The following SYNE1 variants were observed in gnomAD, a reference collection of about 807,000 sequenced individuals.
SYNE1 encodes spectrin repeat containing nuclear envelope protein 1, also known as nesprin-1.
SYNE1 carries 616 observed loss-of-function variants against 1,111.0 expected under a neutral mutation model. That is an observed-to-expected ratio of 0.55 (90% CI 0.52 to 0.59). The LOEUF (loss-of-function observed/expected upper bound fraction) is 0.59. Ranked by LOEUF, SYNE1 falls within the 20% of genes least tolerant of loss-of-function variation. The probability of loss-of-function intolerance (pLI) is 0.00; values close to 1 mark genes in which losing one functional copy is unlikely to be tolerated. For missense variants in SYNE1, 10,006 were observed against 10,417.0 expected (o/e 0.96, Z 1.72); for synonymous variants, 3,855 against 3,825.8 (o/e 1.01, Z -0.28).
intron 11 of SYNE1, among the ~76,000 whole-genome samples, chr6:152,493,241 G>C (rs1310264885): frequency 6.6e-6 from 1 of 151,774 alleles, no homozygotes; most frequent in Non-Finnish European, 1.5e-5. Context: ...AGCCTGTCCA[G>C]GATCTTCACC....
intron 124 of SYNE1, 112 bp from the exon 125 acceptor site, chr6:152,208,318 G>T (rs1313637518): frequency 1.0e-6 from 1 of 979,932 alleles, no homozygotes; most frequent in East Asian, 2.6e-5. Flanking sequence ...GTGATCTAGG[G>T]CGGTGGTTTT....
At chr6:152,420,781 G>A (rs2098246091) in intron 39 of SYNE1, among the ~76,000 whole-genome samples, 1 of 108,588 alleles carries the variant, frequency 9.2e-6, no homozygotes. Context: ...TTCTTTTTAT[G>A]TTTTCCTTTC....
chr6:152,401,096 C>G, intron 47 of SYNE1, 42 bp downstream of exon 47: 1 of 1,587,720 alleles, frequency 6.3e-7, no homozygotes, highest in East Asian at 2.2e-5. Context: ...GAACTACAAT[C>G]ACCATTTGAA....
intron 53 of SYNE1, among the ~76,000 whole-genome samples, chr6:152,388,830 T>C (rs1180215350): frequency 6.6e-6 from 1 of 152,372 alleles, no homozygotes; most frequent in East Asian, 1.9e-4. Flanking sequence ...GCTTCCTGCA[T>C]GTAACATCTT....
intron 20 of SYNE1, 38 bp from the exon 21 acceptor site, chr6:152,461,778 C>A (rs1186495289): frequency 6.2e-7 from 1 of 1,613,410 alleles, no homozygotes; most frequent in Admixed American, 1.7e-5. Context: ...TCATACATGA[C>A]ACATTTCCTC....
chr6:152,332,229 C>A (rs1165446455), intron 77 of SYNE1, among the ~76,000 whole-genome samples: 2 of 152,178 alleles, frequency 1.3e-5, no homozygotes, highest in Non-Finnish European at 2.9e-5. Flanking sequence ...CTGCCTCAGC[C>A]TCCCAAAGTG....
At chr6:152,160,355 T>A (rs1389781972) in intron 131 of SYNE1, among the ~76,000 whole-genome samples, 1 of 152,290 alleles carries the variant, frequency 6.6e-6, no homozygotes, top group South Asian at 2.1e-4. Context: ...GCCCATCAGA[T>A]AATCTAGCCC....
At chr6:152,143,522 A>C in intron 138 of SYNE1, 101 bp downstream of exon 138, 2 of 1,542,302 alleles carry the variant, frequency 1.3e-6, no homozygotes, top group Non-Finnish European at 1.8e-6. Context: ...GCAGCATGGT[A>C]TTCAGAGACC....
chr6:152,461,907 T>C (rs910440357), intron 20 of SYNE1, among the ~76,000 whole-genome samples, 167 bp from the exon 21 acceptor site: 3 of 152,136 alleles, frequency 2.0e-5, no homozygotes, highest in Admixed American at 6.5e-5. Flanking sequence ...CTAATAAATA[T>C]TGGTAATATT....
intron 3 of SYNE1, among the ~76,000 whole-genome samples, chr6:152,566,985 C>CTGTGTGTG (rs59526151): frequency 2.0e-5 from 3 of 146,552 alleles, no homozygotes; most frequent in African/African-American, 5.1e-5. Flanking sequence ...TCTTCACATA[C>CTGTGTGTG]TGTGTGTGTG....
intron 3 of SYNE1, among the ~76,000 whole-genome samples, chr6:152,551,130 T>G (rs1396602800): frequency 6.6e-6 from 1 of 152,200 alleles, no homozygotes; most frequent in Non-Finnish European, 1.5e-5. Flanking sequence ...CAGGAGACAA[T>G]GATCGGATAG....
In SYNE1 at chr6:152,472,414, C is replaced by G; in HGVS notation, c.1351-1G>C. Reference sequence around the variant, plus strand: ...GGGCATCCGTGTTTTGAAGCAGATCCTAAGATACAGTTTAAAAAAAAATAA... The same window carrying G: ...GGGCATCCGTGTTTTGAAGCAGATCGTAAGATACAGTTTAAAAAAAAATAA... On this transcript the variant is annotated splice_acceptor_variant, in intron 14 of 145. Transcript: ENST00000367255. LOFTEE classifies it high-confidence loss of function. 2 of 1,612,096 alleles carry G rather than the reference C, an allele frequency of 1.2e-6. No individual in the cohort carries two copies. Among genetic ancestry groups the G allele is most frequent in the Non-Finnish European group, 1.7e-6 (2 of 1,178,622 alleles).
At chr6:152,325,819 A>G in intron 80 of SYNE1, 139 bp downstream of exon 80, 1 of 1,098,170 alleles carries the variant, frequency 9.1e-7, no homozygotes, top group Non-Finnish European at 1.3e-6. Context: ...TAAACTTAAA[A>G]CTTCTATAAA....
intron 39 of SYNE1, among the ~76,000 whole-genome samples, chr6:152,423,091 C>T (rs2098292853): frequency 1.3e-5 from 2 of 152,124 alleles, no homozygotes; most frequent in African/African-American, 4.8e-5. Flanking sequence ...ACCATAAAGA[C>T]CTGAAAAAGA....
intron 14 of SYNE1, among the ~76,000 whole-genome samples, chr6:152,476,867 TAA>T (rs4034729): frequency 0.53 from 74,337 of 140,802 alleles, 20,733 homozygotes; most frequent in East Asian, 0.75. Context: ...AGACCCTATC[TAA>T]AAAAAAAAAA....
rs1445421692 is a variant in SYNE1, at chr6:152,326,452, T to C, written c.15137A>G (p.His5046Arg). 2 of 1,614,174 alleles carry C rather than the reference T, an allele frequency of 1.2e-6. No homozygotes were observed. Among genetic ancestry groups the C allele is most frequent in the East Asian group, 2.2e-5 (1 of 44,880 alleles). The change falls in exon 79 of 146, where the codon CAT becomes CGT. Residue 5046 changes from histidine (H) to arginine (R), a missense_variant. His to Arg is a conservative substitution (Grantham distance 29, BLOSUM62 0). Around this residue, in one of 7 missense-constraint regions of SYNE1, gnomAD observed 4,955 missense variants for 5,017.2 expected, o/e 0.99. Coordinates refer to ENST00000367255, the MANE Select transcript of SYNE1 (RefSeq NM_182961.4). ...GCTGTGGAGCTCCTCCAGGTTACTA[T>C]GGAACTGATCCTCTGTACTGAAAAA... is the stretch of plus-strand genomic sequence containing the variant. ...MEFFSTEDQFHSNLEELHSLV... is the reference protein window; with the variant it reads ...MEFFSTEDQFRSNLEELHSLV...
intron 108 of SYNE1, among the ~76,000 whole-genome samples, chr6:152,238,101 A>G (rs928164746): frequency 2.0e-5 from 3 of 152,144 alleles, no homozygotes; most frequent in Non-Finnish European, 4.4e-5. Context: ...AAAACAAACA[A>G]TAAGTTGTAT....
rs1361927562 is a variant in SYNE1, at chr6:152,416,564, T to G, written c.5873A>C (p.Glu1958Ala). Reference sequence around the variant, plus strand: ...CAGAAGGTTCTGGATCCTCTCTACCTCTCCACAGAGCTGATCAGCCGTGGC... The same window carrying G: ...CAGAAGGTTCTGGATCCTCTCTACCGCTCCACAGAGCTGATCAGCCGTGGC... ...CRATADQLCG[E>A]VERIQNLLGT... Residue 1958 changes from glutamate to alanine, a missense_variant, in exon 41 of 146, where the codon GAG (glutamate) becomes GCG (alanine). Physicochemically the swap from Glu to Ala is moderately radical, Grantham distance 107. Transcript: ENST00000367255. 13 of 1,613,898 alleles carry G rather than the reference T, an allele frequency of 8.1e-6. No homozygotes were observed. The highest frequency in any genetic ancestry group is 1.1e-5 in the Non-Finnish European group (13 of 1,180,018).
intron 145 of SYNE1, among the ~76,000 whole-genome samples, chr6:152,125,020 G>T (rs1333279004): frequency 1.3e-5 from 2 of 152,348 alleles, no homozygotes; most frequent in East Asian, 3.9e-4. Context: ...TCAGGGAAGT[G>T]AAATAACTGG....
Sources: allele counts gnomAD v4.1 joint callset (sites outside exome capture counted in the v4.1 genomes callset), GRCh38; gene constraint gnomAD v4.1.1; regional missense constraint gnomAD v4.1.1; transcripts MANE v1.5; gene names NCBI Gene and HGNC (gene_info 2026-07-23, HGNC 2026-07-21).